Variants in IGSF21 observed in about 807,000 individuals in gnomAD.
IGSF21 encodes immunoglobulin superfamily member 21.
In IGSF21, 28 loss-of-function variants were observed where a neutral mutation model predicts 46.8. That is an observed-to-expected ratio of 0.60 (90% CI 0.44 to 0.82). IGSF21 has a LOEUF of 0.82. Among genes scored for constraint, IGSF21 ranks in the 40% least tolerant of loss-of-function variants. The pLI, the probability that IGSF21 is intolerant of heterozygous loss-of-function variation, is 0.00. For synonymous variants in IGSF21, 284 were observed against 273.6 expected, an observed-to-expected ratio of 1.04 and a Z score of -0.38; for missense variants, 624 against 665.5, an observed-to-expected ratio of 0.94 and a Z score of 0.69.
chr1:18,123,827 C>T (rs12735521), intron 1 of IGSF21, among the ~76,000 whole-genome samples: 44,662 of 151,904 alleles, frequency 0.29, 6,666 homozygotes, highest in Non-Finnish European at 0.32. Flanking sequence ...CTGGAGGGGA[C>T]ACAGGGGACA....
chr1:18,199,121 T>C (rs1231900122), intron 1 of IGSF21, among the ~76,000 whole-genome samples: 1 of 151,994 alleles, frequency 6.6e-6, no homozygotes, highest in Non-Finnish European at 1.5e-5. Context: ...TTTTAAAAAA[T>C]ACTCAGTTTT....
chr1:18,137,132 A>G (rs923967494), intron 1 of IGSF21, among the ~76,000 whole-genome samples: 4 of 152,174 alleles, frequency 2.6e-5, no homozygotes, highest in African/African-American at 9.7e-5. Context: ...GAAGCTTCCA[A>G]TCATGGTGGA....
At chr1:18,185,427 A>G (rs1421056892) in intron 1 of IGSF21, among the ~76,000 whole-genome samples, 1 of 152,202 alleles carries the variant, frequency 6.6e-6, no homozygotes, top group Non-Finnish European at 1.5e-5. Flanking sequence ...GGAACAAAAC[A>G]TATTCCCTCC....
At chr1:18,218,330 A>T (rs576982941) in intron 1 of IGSF21, among the ~76,000 whole-genome samples, 1 of 152,336 alleles carries the variant, frequency 6.6e-6, no homozygotes, top group East Asian at 1.9e-4. Context: ...TCCATTGCCC[A>T]GTCACCTCCC....
chr1:18,140,538 A>C (rs757749194), intron 1 of IGSF21, among the ~76,000 whole-genome samples: 2 of 152,150 alleles, frequency 1.3e-5, no homozygotes, highest in African/African-American at 2.4e-5. Context: ...CCGCATATGC[A>C]TGCTCCATGG....
chr1:18,278,060 G>A (rs1280692071), intron 2 of IGSF21, among the ~76,000 whole-genome samples: 1 of 152,004 alleles, frequency 6.6e-6, no homozygotes, highest in Non-Finnish European at 1.5e-5. Flanking sequence ...AATAAATATT[G>A]AACTCTAAAT....
chr1:18,281,513 C>T lies in IGSF21; in HGVS notation c.184-10353C>T, dbSNP rs551896226. Among the ~76,000 whole-genome samples, 6 of 150,816 alleles carry T rather than the reference C, an allele frequency of 4.0e-5. No homozygotes were observed. In the South Asian group the frequency reaches 1.1e-3, roughly 26 times the overall value. ...CTCAGGAGACGGAGGTTGCAGTGAG[C>T]TGACATGGTGCCGCTGCACTCCAGC... On this transcript the variant is annotated intron_variant, in intron 2 of 9. Coordinates refer to ENST00000251296, the MANE Select transcript of IGSF21 (RefSeq NM_032880.5).
intron 1 of IGSF21, among the ~76,000 whole-genome samples, chr1:18,128,304 GA>G (rs1441920350): frequency 6.6e-6 from 1 of 152,184 alleles, no homozygotes; most frequent in African/African-American, 2.4e-5. Context: ...CTCAGGAGCA[GA>G]GCAGCTTCTC....
At chr1:18,378,173 T>C in intron 9 of IGSF21, 83 bp from the exon 10 acceptor site, 1 of 1,160,318 alleles carries the variant, frequency 8.6e-7, no homozygotes. Flanking sequence ...ATCCAGCGTC[T>C]TTGTTGGGGA....
At chr1:18,121,936 C>G (rs2086237374) in intron 1 of IGSF21, among the ~76,000 whole-genome samples, 2 of 152,192 alleles carry the variant, frequency 1.3e-5, no homozygotes, top group Non-Finnish European at 2.9e-5. Flanking sequence ...GCCAGTCCTC[C>G]ATCACAGGCA....
At chr1:18,209,160 A>G (rs12562850) in intron 1 of IGSF21, among the ~76,000 whole-genome samples, 17,543 of 152,262 alleles carry the variant, frequency 0.12, 1,075 homozygotes, top group South Asian at 0.18. Context: ...AATTATACCT[A>G]CAAAAAGGAA....
Position 18,108,077 on chromosome 1 carries a change from G to A in IGSF21, c.-52G>A, listed in dbSNP as rs2086107816. 5 of 900,952 alleles carry A rather than the reference G, an allele frequency of 5.5e-6. No individual in the cohort carries two copies. The highest frequency in any genetic ancestry group is 3.6e-5 in the African/African-American group (2 of 56,156). The allele number at this position is 900,952 out of a possible 1,614,324, so 55.8% of individuals were successfully genotyped here. A position where few individuals can be genotyped will look rare whatever the true frequency, so the allele number is the denominator to read the frequency against. On this transcript the variant is annotated 5_prime_UTR_variant, in exon 1 of 10. Coordinates refer to ENST00000251296, the MANE Select transcript of IGSF21 (RefSeq NM_032880.5). ...TGAGCCCATGGCGAGGGGACCCGCC[G>A]CCACCGCCTCCACCCCCGCCGCCCC...
chr1:18,300,164 C>T (rs1173070509), intron 3 of IGSF21, among the ~76,000 whole-genome samples: 2 of 152,140 alleles, frequency 1.3e-5, no homozygotes, highest in African/African-American at 2.4e-5. Flanking sequence ...ATCAGGATCA[C>T]CTTGGAAGTT....
chr1:18,361,016 AGT>A (rs1456114905), intron 4 of IGSF21, among the ~76,000 whole-genome samples: 4 of 152,036 alleles, frequency 2.6e-5, no homozygotes. Flanking sequence ...AGCCAGGGGC[AGT>A]GGGTGAGGAG....
In IGSF21 at chr1:18,377,399, C is replaced by CA. The variant is rs2086295179; in HGVS notation, c.1304dup (p.Asn435LysfsTer10). The CA allele has an allele frequency of 1.9e-6, 3 of 1,613,618 alleles. No homozygotes were observed. Among genetic ancestry groups the CA allele is most frequent in the Non-Finnish European group, 2.5e-6 (3 of 1,179,516 alleles). On this transcript the variant is annotated frameshift_variant, in exon 9 of 10. Transcript: ENST00000251296. LOFTEE classifies it high-confidence loss of function. ...TTCTGTTTCTTTCCAACAGAAAACCCAAATATCCCAAGAGGAACGGAGGAC... is the reference window on the plus strand; with the variant it reads ...TTCTGTTTCTTTCCAACAGAAAACCCAAAATATCCCAAGAGGAACGGAGGAC...
intron 1 of IGSF21, among the ~76,000 whole-genome samples, chr1:18,195,588 T>G (rs2086998996): frequency 8.2e-6 from 1 of 122,004 alleles, no homozygotes; most frequent in South Asian, 2.5e-4. Flanking sequence ...AGCCCTGTTG[T>G]CTGTGCCTCT....
At chr1:18,241,170 G>A (rs2084723875) in intron 2 of IGSF21, among the ~76,000 whole-genome samples, 1 of 152,176 alleles carries the variant, frequency 6.6e-6, no homozygotes, top group Admixed American at 6.5e-5. Flanking sequence ...GGGTTCAGAA[G>A]TCCACTCCAC....
intron 6 of IGSF21, among the ~76,000 whole-genome samples, chr1:18,371,848 C>T (rs1466840883): frequency 2.0e-5 from 3 of 152,198 alleles, no homozygotes; most frequent in South Asian, 2.1e-4. Flanking sequence ...CTCATTTCCA[C>T]CTACAAGTAT....
chr1:18,267,556 G>C (rs1158173210), intron 2 of IGSF21, among the ~76,000 whole-genome samples: 1 of 152,200 alleles, frequency 6.6e-6, no homozygotes, highest in African/African-American at 2.4e-5. Flanking sequence ...AGTGGAAAGA[G>C]GTTTGGAGAA....
Sources: allele counts gnomAD v4.1 joint callset (sites outside exome capture counted in the v4.1 genomes callset), GRCh38; gene constraint gnomAD v4.1.1; transcripts MANE v1.5; gene names NCBI Gene and HGNC (gene_info 2026-07-23, HGNC 2026-07-21).